PELP1: variants seen among roughly 807,000 people sequenced by gnomAD.
PELP1 encodes the protein proline-, glutamic acid- and leucine-rich protein 1.
A neutral mutation model predicts 95.5 loss-of-function variants in PELP1; 32 were observed. The ratio of observed to expected loss-of-function variants is 0.34; its 90% confidence interval spans 0.25 to 0.45. The LOEUF (loss-of-function observed/expected upper bound fraction) is 0.45. Among genes scored for constraint, PELP1 ranks in the 20% least tolerant of loss-of-function variants. The probability of loss-of-function intolerance (pLI) is 1.00; values close to 1 mark genes in which losing one functional copy is unlikely to be tolerated. For synonymous variants in PELP1, 668 were observed against 600.1 expected (o/e 1.11, Z -1.65); for missense variants, 1,358 against 1,444.8 (o/e 0.94, Z 0.97).
chr17:4,688,196 G>A lies in PELP1; in HGVS notation c.420+2692C>T, dbSNP rs769679538. The stretch of plus-strand genomic sequence containing the variant: ...CTAAAAATACAAACATTAGCCGGGC[G>A]GGGTGGCAGGCACCTGTAATCCCGG... On this transcript the variant is annotated intron_variant, in intron 3 of 16. Coordinates refer to ENST00000572293, the MANE Select transcript of PELP1 (RefSeq NM_014389.3). Among the ~76,000 whole-genome samples, 5 of 152,084 alleles carry A rather than the reference G, an allele frequency of 3.3e-5. No homozygotes were observed. In the East Asian group the frequency reaches 5.8e-4, roughly 18 times the overall value.
In PELP1 at chr17:4,704,127, A is replaced by C. The variant is rs769568926; in HGVS notation, c.-16T>G. Reference sequence around the variant, plus strand: ...CTGCCGCCATCTTCCCCCGGGTTCCAGTGGTGGCGTGGCGCGATGACGCAA... The same window carrying C: ...CTGCCGCCATCTTCCCCCGGGTTCCCGTGGTGGCGTGGCGCGATGACGCAA... On this transcript the variant is annotated 5_prime_UTR_variant, in exon 1 of 17. Transcript: ENST00000572293. The C allele has an allele frequency of 5.0e-6, 8 of 1,600,536 alleles. No homozygotes were observed. The highest frequency in any genetic ancestry group is 6.8e-6 in the Non-Finnish European group (8 of 1,176,464).
intron 1 of PELP1, among the ~76,000 whole-genome samples, chr17:4,703,352 G>GGAAA (rs1012532798): frequency 1.3e-5 from 2 of 152,068 alleles, no homozygotes; most frequent in African/African-American, 4.8e-5. Flanking sequence ...CGGTTTCTTT[G>GGAAA]GAAAAATCTC....
rs115210964 is a variant in PELP1, at chr17:4,701,761, C to T, written c.249+2102G>A. ...CATGTCTTATTTATCTACCTAGAGA[C>T]GAGGAACAGTACGTAAAACATAACA... is the stretch of plus-strand genomic sequence containing the variant. On this transcript the variant is annotated intron_variant, in intron 1 of 16. Transcript: ENST00000572293. Among the ~76,000 whole-genome samples the T allele has an allele frequency of 4.9e-3, 745 of 152,140 alleles. 8 individuals carry two copies. Among genetic ancestry groups the T allele is most frequent in the African/African-American group, 0.016 (666 of 41,502 alleles).
At chr17:4,683,016 G>GA in intron 3 of PELP1, 64 bp from the exon 4 acceptor site, 5 of 1,398,724 alleles carry the variant, frequency 3.6e-6, no homozygotes, top group Non-Finnish European at 4.7e-6. Context: ...AGAGCAGCAG[G>GA]AGAAAATACA....
intron 4 of PELP1, 83 bp downstream of exon 4, chr17:4,682,720 G>T: frequency 3.4e-6 from 5 of 1,469,682 alleles, no homozygotes; most frequent in Non-Finnish European, 4.6e-6. Context: ...CTATTCCCCA[G>T]TCACTTCCAT....
intron 1 of PELP1, among the ~76,000 whole-genome samples, chr17:4,694,484 T>C (rs1370004631): frequency 3.3e-4 from 4 of 12,266 alleles, no homozygotes; most frequent in African/African-American, 1.3e-3. Context: ...AAACGCCATC[T>C]CTACCAAAAA....
chr17:4,700,553 C>G (rs557468311), intron 1 of PELP1, among the ~76,000 whole-genome samples: 2 of 151,834 alleles, frequency 1.3e-5, no homozygotes, highest in African/African-American at 2.4e-5. Flanking sequence ...CTGAGGCCTA[C>G]GTAGAAGACA....
At chr17:4,687,139 AC>A (rs1399992402) in intron 3 of PELP1, among the ~76,000 whole-genome samples, 1 of 151,862 alleles carries the variant, frequency 6.6e-6, no homozygotes, top group Non-Finnish European at 1.5e-5. Context: ...CACCCACACC[AC>A]CCCAGCTGAA....
Position 4,703,891 on chromosome 17 carries a change from C to T in PELP1, c.221G>A (p.Arg74Gln), listed in dbSNP as rs1475634145. 2 of 1,612,806 alleles carry T rather than the reference C, an allele frequency of 1.2e-6. No individual in the cohort carries two copies. Among genetic ancestry groups the T allele is most frequent in the African/African-American group, 2.7e-5 (2 of 74,906 alleles). Reference protein sequence around the residue: ...PHLPGLMCLLRLHGSVGGAQN... With the variant: ...PHLPGLMCLLQLHGSVGGAQN... ...GGCCCCGCCCACCGACCCATGCAGC[C>T]GCAATAGGCACATGAGCCCGGGCAA... Residue 74 changes from arginine (R) to glutamine (Q), a missense_variant, in exon 1 of 17, where the codon CGG becomes CAG. Around this residue, in one of 7 missense-constraint regions of PELP1, gnomAD observed 169 missense variants for 134.9 expected, o/e 1.25. Transcript: ENST00000572293.
Position 4,672,516 on chromosome 17 carries a change from C to T in PELP1, c.2475G>A (p.Ala825=), listed in dbSNP as rs1165166491. Residue 825 remains alanine (A), a synonymous_variant, in exon 16 of 17, where the codon GCG becomes GCA. Transcript: ENST00000572293. ...GPPTASPPVP[A]KEEPEELPAA... Reference sequence around the variant, plus strand: ...CAGGAAGTTCTTCAGGCTCCTCCTTCGCTGGCACAGGAGGGGAGGCTGTTG... The same window carrying T: ...CAGGAAGTTCTTCAGGCTCCTCCTTTGCTGGCACAGGAGGGGAGGCTGTTG... 15 of 1,475,410 alleles carry T rather than the reference C, an allele frequency of 1.0e-5. No individual in the cohort carries two copies. Among genetic ancestry groups the T allele is most frequent in the South Asian group, 9.5e-5 (8 of 84,184 alleles). 91.4% of individuals were successfully genotyped at this position (1,475,410 alleles called of 1,614,324 possible). A position where few individuals can be genotyped will look rare whatever the true frequency, so the allele number is the denominator to read the frequency against.
rs1039347104 is a variant in PELP1, at chr17:4,673,985, G to A, written c.1583-311C>T. Reference sequence around the variant, plus strand: ...GGCAGTGAAATATATGGGACCCAGAGGAAAGGCATCCATTAACTGCACAGT... The same window carrying A: ...GGCAGTGAAATATATGGGACCCAGAAGAAAGGCATCCATTAACTGCACAGT... On this transcript the variant is annotated intron_variant, in intron 13 of 16. Transcript: ENST00000572293. The surrounding 1 kb of genome is among the most constrained non-coding windows in gnomAD (Gnocchi z 5.7). 1 of 387,904 alleles carries A rather than the reference G, an allele frequency of 2.6e-6. No homozygotes were observed. Among genetic ancestry groups the A allele is most frequent in the African/African-American group, 2.0e-5 (1 of 49,166 alleles). 24.0% of individuals were successfully genotyped at this position (387,904 alleles called of 1,614,324 possible). A position where few individuals can be genotyped will look rare whatever the true frequency, so the allele number is the denominator to read the frequency against.
rs879311058 is a variant in PELP1, at chr17:4,676,878, A to G, written c.643-66T>C. On this transcript the variant is annotated intron_variant, in intron 5 of 16. Coordinates refer to ENST00000572293, the MANE Select transcript of PELP1 (RefSeq NM_014389.3). ...TCTGAGAGCCAGAGATGTACATCCC[A>G]TCCGTTCCCAGCAGCAGACTCTAAG... 74 of 1,224,336 alleles carry G rather than the reference A, an allele frequency of 6.0e-5. No homozygotes were observed. In the Admixed American group the frequency reaches 1.5e-3, roughly 24 times the overall value. 75.8% of individuals were successfully genotyped at this position (1,224,336 alleles called of 1,614,324 possible). A position where few individuals can be genotyped will look rare whatever the true frequency, so the allele number is the denominator to read the frequency against.
chr17:4,681,669 A>G (rs548984919), intron 5 of PELP1, among the ~76,000 whole-genome samples: 9 of 151,940 alleles, frequency 5.9e-5, no homozygotes, highest in Non-Finnish European at 8.8e-5. Context: ...GCGTAGTGGT[A>G]TGCACCTGCA....
At chr17:4,697,855 A>G (rs548149981) in intron 1 of PELP1, among the ~76,000 whole-genome samples, 2 of 152,206 alleles carry the variant, frequency 1.3e-5, no homozygotes, top group East Asian at 3.9e-4. Context: ...GACCTAAGAC[A>G]TTCACATTAT....
intron 7 of PELP1, 66 bp from the exon 8 acceptor site, chr17:4,676,228 G>A (rs1000450982): frequency 1.1e-5 from 17 of 1,595,890 alleles, no homozygotes; most frequent in Non-Finnish European, 3.4e-6. Context: ...ATTTCTGGTG[G>A]ACGACCTGCC....
Position 4,672,439 on chromosome 17 carries a change from C to T in PELP1, c.2552G>A (p.Gly851Asp). 1 of 1,570,784 alleles carries T rather than the reference C, an allele frequency of 6.4e-7. No homozygotes were observed. The highest frequency in any genetic ancestry group is 8.6e-7 in the Non-Finnish European group (1 of 1,158,068). ...CTGGGGTGGAGGGAGCGTCACAGGA[C>T]CAGGAACAGGCGGCGGCGGAGGTGG... ...PPPPPPPPVPGPVTLPPPQLV... is the reference protein window; with the variant it reads ...PPPPPPPPVPDPVTLPPPQLV... Residue 851 changes from glycine to aspartate, a missense_variant, in exon 16 of 17, where the codon GGT (glycine) becomes GAT (aspartate). This residue lies in a region of PELP1 where 340 missense variants were observed against 322.9 expected (regional missense o/e 1.05). Coordinates refer to ENST00000572293, the MANE Select transcript of PELP1 (RefSeq NM_014389.3).
rs754406795 is a variant in PELP1, at chr17:4,672,949, C to G, written c.2042G>C (p.Gly681Ala). Residue 681 changes from glycine to alanine, a missense_variant, in exon 16 of 17, where the codon GGC (glycine) becomes GCC (alanine). Coordinates refer to ENST00000572293, the MANE Select transcript of PELP1 (RefSeq NM_014389.3). ...CATGGGGCCTGCTGAAGGCATGGGG[C>G]CTGCTGAGGGCATGGAGCCCACTGA... ...MPSVGSMPSA[G>A]PMPSAGPMPS... The G allele has an allele frequency of 1.0e-5, 16 of 1,605,186 alleles. No individual in the cohort carries two copies. The highest frequency in any genetic ancestry group is 1.3e-5 in the Non-Finnish European group (15 of 1,175,268).
Position 4,675,608 on chromosome 17 carries a change from A to G in PELP1, c.1068+189T>C, listed in dbSNP as rs1210207108. Reference sequence around the variant, plus strand: ...CAAATTCACCCTCCCCCAAGGAAGCATTTGCTACACTCTGACACTGTGCTC... The same window carrying G: ...CAAATTCACCCTCCCCCAAGGAAGCGTTTGCTACACTCTGACACTGTGCTC... On this transcript the variant is annotated intron_variant, in intron 9 of 16. Transcript: ENST00000572293. The surrounding 1 kb of genome is among the most constrained non-coding windows in gnomAD (Gnocchi z 4.3). 1 of 713,280 alleles carries G rather than the reference A, an allele frequency of 1.4e-6. No individual in the cohort carries two copies. 44.2% of individuals were successfully genotyped at this position (713,280 alleles called of 1,614,324 possible).
chr17:4,683,829 C>CTTT lies in PELP1; in HGVS notation c.421-880_421-878dup, dbSNP rs994295435. ...ACAGGCGTGAGCCACAGTGCCCAGC[C>CTTT]TTTTTTTTTTTTTTTTTTTTTTTTT... On this transcript the variant is annotated intron_variant, in intron 3 of 16. Coordinates refer to ENST00000572293, the MANE Select transcript of PELP1 (RefSeq NM_014389.3). Among the ~76,000 whole-genome samples, 139 of 91,294 alleles carry CTTT rather than the reference C, an allele frequency of 1.5e-3. 12 individuals are homozygous for CTTT. Among genetic ancestry groups the CTTT allele is most frequent in the Non-Finnish European group, 2.5e-3 (123 of 49,052 alleles). The allele number at this position is 91,294 out of a possible 152,430, so 59.9% of individuals were successfully genotyped here.
Sources: gnomAD v4.1 joint callset for allele counts (sites outside exome capture counted in the v4.1 genomes callset) on GRCh38, gnomAD v4.1.1 for gene constraint, gnomAD v4.1.1 regional missense constraint, Gnocchi (gnomAD v3.1) non-coding constraint, MANE v1.5 for transcripts, NCBI Gene and HGNC (gene_info 2026-07-23, HGNC 2026-07-21) for gene names.